The following SUGP2 variants were observed in gnomAD, a reference collection of about 807,000 sequenced individuals.
SUGP2 encodes the protein SURP and G-patch domain-containing protein 2.
A neutral mutation model predicts 90.5 loss-of-function variants in SUGP2; 24 were observed. The observed-to-expected ratio is 0.27, with a 90% CI of 0.19 to 0.37. The LOEUF (loss-of-function observed/expected upper bound fraction) is 0.37, where lower values mean the gene tolerates loss of function less well. Ranked by LOEUF, SUGP2 falls within the 10% of genes least tolerant of loss-of-function variation. The pLI, the probability that SUGP2 is intolerant of heterozygous loss-of-function variation, is 1.00. For missense variants in SUGP2, 1,233 were observed against 1,363.3 expected (o/e 0.90, Z 1.51); for synonymous variants, 473 against 513.4 (o/e 0.92, Z 1.06).
At chr19:18,996,238 A>C (rs990424036) in intron 8 of SUGP2, among the ~76,000 whole-genome samples, 29 of 152,292 alleles carry the variant, frequency 1.9e-4, no homozygotes, top group Admixed American at 1.5e-3. Flanking sequence ...CTCTACTAAA[A>C]TACAAAAATT....
At chr19:19,012,890 G>A (rs2058358308) in intron 4 of SUGP2, among the ~76,000 whole-genome samples, 1 of 151,608 alleles carries the variant, frequency 6.6e-6, no homozygotes, top group Non-Finnish European at 1.5e-5. Flanking sequence ...TTGAGACGGA[G>A]TCTCGCTCTG....
Position 19,004,260 on chromosome 19 carries a change from G to A in SUGP2, c.2837C>T (p.Thr946Ile), listed in dbSNP as rs762143527. The change falls in exon 7 of 11, where the codon ACC becomes ATC. Residue 946 changes from threonine (T) to isoleucine (I), a missense_variant. Physicochemically the swap from Thr to Ile is moderately conservative, Grantham distance 89. This residue lies in a region of SUGP2 where 105 missense variants were observed against 155.2 expected (regional missense o/e 0.68). Coordinates refer to ENST00000452918, the MANE Select transcript of SUGP2 (RefSeq NM_001017392.5). The stretch of plus-strand genomic sequence containing the variant: ...GCTGATCCTCTTCCGAGGGAAGCAG[G>A]TACCTGAGGAGGCCTGTGACAAGGC... The part of the protein sequence containing the change: ...APALSQASSG[T>I]CFPRKRISSK... 5.6e-6 allele frequency: 9 copies of A among 1,613,342 alleles called. No individual in the cohort carries two copies. The highest frequency in any genetic ancestry group is 7.6e-6 in the Non-Finnish European group (9 of 1,179,472).
chr19:19,020,101 T>C (rs1201571080), intron 3 of SUGP2, among the ~76,000 whole-genome samples: 1 of 150,162 alleles, frequency 6.7e-6, no homozygotes, highest in Non-Finnish European at 1.5e-5. Flanking sequence ...GATCCCAAAT[T>C]ACATGTTCAC....
chr19:19,033,485 T>A lies in SUGP2; in HGVS notation c.-60A>T. The A allele has an allele frequency of 7.1e-7, 1 of 1,408,822 alleles. No homozygotes were observed. Among genetic ancestry groups the A allele is most frequent in the Non-Finnish European group, 9.3e-7 (1 of 1,080,440 alleles). 87.3% of individuals were successfully genotyped at this position (1,408,822 alleles called of 1,614,324 possible). A position where few individuals can be genotyped will look rare whatever the true frequency, so the allele number is the denominator to read the frequency against. Reference sequence around the variant, plus strand: ...CACCCCCGCCGCCGCCTCAGGCTCCTCACCCGCCGCCGCCGCCGCGCGAGG... The same window carrying A: ...CACCCCCGCCGCCGCCTCAGGCTCCACACCCGCCGCCGCCGCCGCGCGAGG... On this transcript the variant is annotated 5_prime_UTR_variant, in exon 1 of 11. Coordinates refer to ENST00000452918, the MANE Select transcript of SUGP2 (RefSeq NM_001017392.5).
Position 19,026,098 on chromosome 19 carries a change from C to A in SUGP2, c.250G>T (p.Val84Leu). Residue 84 changes from valine (V) to leucine (L), a missense_variant, in exon 3 of 11, where the codon GTA (valine) becomes TTA (leucine). Val to Leu is a conservative substitution (Grantham distance 32). Coordinates refer to ENST00000452918, the MANE Select transcript of SUGP2 (RefSeq NM_001017392.5). ...DAGREGLRSD[V>L]FPGPSFRSSN... ...GATCTGAAGGAAGGCCCTGGAAATA[C>A]GTCACTTCTCAGGCCTTCTCTTCCG... is the stretch of plus-strand genomic sequence containing the variant. 6.2e-7 allele frequency: 1 copy of A among 1,614,164 alleles called. No individual in the cohort carries two copies. The highest frequency in any genetic ancestry group is 8.5e-7 in the Non-Finnish European group (1 of 1,180,034).
chr19:19,017,341 T>C (rs1478119051), intron 4 of SUGP2, among the ~76,000 whole-genome samples: 2 of 152,186 alleles, frequency 1.3e-5, no homozygotes, highest in Non-Finnish European at 2.9e-5. Flanking sequence ...CCAGGCAGTG[T>C]CTGGATGTAT....
intron 2 of SUGP2, among the ~76,000 whole-genome samples, chr19:19,026,686 C>T (rs2058944891): frequency 6.6e-6 from 1 of 152,212 alleles, no homozygotes; most frequent in Non-Finnish European, 1.5e-5. Context: ...ACTTCTATCT[C>T]AGAACAGACA....
Position 19,010,831 on chromosome 19 carries a change from G to C in SUGP2, c.1851-489C>G, listed in dbSNP as rs933708695. 2.0e-5 allele frequency among the ~76,000 whole-genome samples: 3 copies of C among 151,862 alleles called. No homozygotes were observed. The South Asian group carries it at 6.2e-4, about 31-fold the overall frequency. On this transcript the variant is annotated intron_variant, in intron 4 of 10. Transcript: ENST00000452918. ...ATGAGAACAGTAAAGAGAAGGTTGAGCTACATGTACTAACAGAAAAATATT... is the reference window on the plus strand; with the variant it reads ...ATGAGAACAGTAAAGAGAAGGTTGACCTACATGTACTAACAGAAAAATATT...
intron 3 of SUGP2, 55 bp from the exon 4 acceptor site, chr19:19,019,284 A>C: frequency 6.4e-7 from 1 of 1,571,814 alleles, no homozygotes; most frequent in Non-Finnish European, 8.7e-7. Context: ...GGCTCTGAGA[A>C]GACGAGGATA....
chr19:19,030,584 G>A (rs897294909), intron 2 of SUGP2, among the ~76,000 whole-genome samples: 1 of 152,022 alleles, frequency 6.6e-6, no homozygotes, highest in Non-Finnish European at 1.5e-5. Context: ...GATATCCAGT[G>A]AGAAGCTCCA....
At chr19:19,032,156 CTTT>C (rs71168792) in intron 1 of SUGP2, among the ~76,000 whole-genome samples, 2 of 143,678 alleles carry the variant, frequency 1.4e-5, no homozygotes, top group African/African-American at 5.2e-5. Flanking sequence ...AGAGATCAAT[CTTT>C]TTTTTTTTTT....
At chr19:19,006,468 C>T (rs898516140) in intron 6 of SUGP2, among the ~76,000 whole-genome samples, 3 of 152,058 alleles carry the variant, frequency 2.0e-5, no homozygotes, top group African/African-American at 7.2e-5. Flanking sequence ...CTGAAGGACA[C>T]TGCTCAGAAA....
chr19:19,032,642 G>A (rs1185213001), intron 1 of SUGP2, among the ~76,000 whole-genome samples: 2 of 152,036 alleles, frequency 1.3e-5, no homozygotes, highest in African/African-American at 4.8e-5. Flanking sequence ...CTGAAGAGGC[G>A]GGTCCTGTTA....
intron 8 of SUGP2, among the ~76,000 whole-genome samples, chr19:18,998,667 G>C (rs775056555): frequency 6.6e-6 from 1 of 152,152 alleles, no homozygotes; most frequent in Non-Finnish European, 1.5e-5. Context: ...GTGTGCGTGA[G>C]TTACTGGATG....
chr19:19,024,664 T>C lies in SUGP2; in HGVS notation c.1684A>G (p.Thr562Ala). 4 of 1,614,210 alleles carry C rather than the reference T, an allele frequency of 2.5e-6. No homozygotes were observed. The highest frequency in any genetic ancestry group is 1.3e-5 in the African/African-American group (1 of 75,066). ...MREEEKMIPP[T>A]KPEIQAKAPS... ...GCCTTGGCCTGAATTTCAGGTTTCG[T>C]AGGAGGAATCATTTTCTCCTCCTCT... The change falls in exon 3 of 11, where the codon ACG (threonine) becomes GCG (alanine). Residue 562 changes from threonine to alanine, a missense_variant. Physicochemically the swap from Thr to Ala is moderately conservative, Grantham distance 58. Around this residue, in one of 8 missense-constraint regions of SUGP2, gnomAD observed 540 missense variants for 542.6 expected, o/e 1.00. Transcript: ENST00000452918.
chr19:19,016,487 CACCTT>C (rs1242644756), intron 4 of SUGP2, among the ~76,000 whole-genome samples: 1 of 152,152 alleles, frequency 6.6e-6, no homozygotes, highest in African/African-American at 2.4e-5. Flanking sequence ...CCAGCCTAAT[CACCTT>C]ATCAACCACC....
At chr19:19,012,050 T>G (rs769413281) in intron 4 of SUGP2, among the ~76,000 whole-genome samples, 1 of 152,174 alleles carries the variant, frequency 6.6e-6, no homozygotes, top group Non-Finnish European at 1.5e-5. Context: ...GGCTGTGTGT[T>G]GCACAGCATT....
chr19:19,028,262 A>C (rs1259644567), intron 2 of SUGP2, among the ~76,000 whole-genome samples: 1 of 152,190 alleles, frequency 6.6e-6, no homozygotes, highest in Non-Finnish European at 1.5e-5. Flanking sequence ...AACCACTAAT[A>C]TAAGAGACAC....
chr19:18,995,383 C>G (rs1448339813), intron 8 of SUGP2, 103 bp from the exon 9 acceptor site: 1 of 1,331,038 alleles, frequency 7.5e-7, no homozygotes, highest in African/African-American at 1.5e-5. Context: ...AAATGCCCTC[C>G]TGACTCCCCA....
Sources: allele counts gnomAD v4.1 joint callset (sites outside exome capture counted in the v4.1 genomes callset), GRCh38; gene constraint gnomAD v4.1.1; regional missense constraint gnomAD v4.1.1; transcripts MANE v1.5; gene names NCBI Gene and HGNC (gene_info 2026-07-23, HGNC 2026-07-21).